The following TMEM229B variants were observed in gnomAD, a reference collection of about 807,000 sequenced individuals.
TMEM229B encodes transmembrane protein 229B, also known as chromosome 14 open reading frame 83.
Under a neutral mutation model 13.7 loss-of-function variants are expected in TMEM229B, and 6 were observed. That is an observed-to-expected ratio of 0.44 (90% CI 0.24 to 0.86). The LOEUF is 0.86. TMEM229B is among the 40% of genes least tolerant of loss of function. TMEM229B has a pLI of 0.23. For missense variants in TMEM229B, 170 were observed against 236.0 expected (o/e 0.72, Z 1.83); for synonymous variants, 107 against 102.1 (o/e 1.05, Z -0.29).
rs973715601 is a variant in TMEM229B, at chr14:67,507,284, G to A, written c.-192+7802C>T. ...GGATTGCTTGAACCCAGGAGTTCAA[G>A]GCTACAGTGAGCTATGATTATGCCA... On this transcript the variant is annotated intron_variant, in intron 1 of 2. Transcript: ENST00000357461. 8.5e-5 allele frequency among the ~76,000 whole-genome samples: 13 copies of A among 152,232 alleles called. 1 individual carries two copies. Among genetic ancestry groups the A allele is most frequent in the Admixed American group, 8.5e-4 (13 of 15,292 alleles).
upstream of TMEM229B, among the ~76,000 whole-genome samples, chr14:67,489,336 A>G (rs555348667): frequency 4.6e-5 from 7 of 152,202 alleles, no homozygotes; most frequent in African/African-American, 1.4e-4. Context: ...TTCCCACCCA[A>G]ATCTCATCCT....
At chr14:67,520,559 A>G (rs1286310456) in intron 1 of TMEM229B, among the ~76,000 whole-genome samples, 2 of 152,254 alleles carry the variant, frequency 1.3e-5, no homozygotes, top group Non-Finnish European at 2.9e-5. Context: ...GTCTGGATAT[A>G]CCACAGATTA....
upstream of TMEM229B, among the ~76,000 whole-genome samples, chr14:67,490,247 G>A (rs116822558): frequency 1.4e-3 from 210 of 152,308 alleles, no homozygotes; most frequent in African/African-American, 4.9e-3. Flanking sequence ...TGTCTCTGCA[G>A]GTGAAGGAAG....
chr14:67,504,874 G>A (rs946596420), intron 1 of TMEM229B, among the ~76,000 whole-genome samples: 2 of 152,122 alleles, frequency 1.3e-5, no homozygotes, highest in South Asian at 2.1e-4. Flanking sequence ...CAACAAGAGC[G>A]ACACTCCGTC....
At chr14:67,509,528 A>G (rs1198732346) in intron 1 of TMEM229B, among the ~76,000 whole-genome samples, 1 of 152,152 alleles carries the variant, frequency 6.6e-6, no homozygotes, top group Non-Finnish European at 1.5e-5. Flanking sequence ...CATGTTGCTC[A>G]GGCTGGTCTT....
chr14:67,517,268 G>A (rs761673406), upstream of TMEM229B, among the ~76,000 whole-genome samples: 116 of 152,316 alleles, frequency 7.6e-4, no homozygotes, highest in Non-Finnish European at 5.1e-4. Flanking sequence ...GTGGCCGGCG[G>A]CTGGCAGCTG....
chr14:67,500,017 A>T (rs562300272), intron 1 of TMEM229B, among the ~76,000 whole-genome samples: 1 of 152,264 alleles, frequency 6.6e-6, no homozygotes, highest in African/African-American at 2.4e-5. Context: ...ACTCCCAGTC[A>T]TAGCTCCTCT....
In TMEM229B at chr14:67,473,835, G is replaced by A; in HGVS notation, c.89C>T (p.Ala30Val). Residue 30 changes from alanine to valine, a missense_variant, in exon 3 of 3, where the codon GCC (alanine) becomes GTC (valine). This residue lies in a region of TMEM229B where 36 missense variants were observed against 83.8 expected (regional missense o/e 0.43). Transcript: ENST00000554480. This position sits in a 1 kb window ranked among gnomAD's most constrained non-coding sequence, Gnocchi z 6.5. ...GYFCEVMFTA[A>V]WEFVVNLNWK... The stretch of plus-strand genomic sequence containing the variant: ...GTTCAAGTTCACCACGAACTCCCAG[G>A]CCGCTGTGAACATCACCTCGCAGAA... 1 of 1,613,540 alleles carries A rather than the reference G, an allele frequency of 6.2e-7. No homozygotes were observed. The highest frequency in any genetic ancestry group is 8.5e-7 in the Non-Finnish European group (1 of 1,179,820).
chr14:67,530,346 C>T (rs1045743009), intron 1 of TMEM229B, among the ~76,000 whole-genome samples: 5 of 151,994 alleles, frequency 3.3e-5, no homozygotes, highest in African/African-American at 1.2e-4. Flanking sequence ...CCCCAAGGTC[C>T]CACCACCACT....
intron 1 of TMEM229B, among the ~76,000 whole-genome samples, chr14:67,495,040 T>C (rs2140162869): frequency 6.6e-6 from 1 of 152,346 alleles, no homozygotes. Flanking sequence ...TGTACTGTTC[T>C]GGCAACTTTT....
chr14:67,514,731 T>A (rs903052054), intron 1 of TMEM229B, among the ~76,000 whole-genome samples: 2 of 151,478 alleles, frequency 1.3e-5, no homozygotes, highest in Non-Finnish European at 2.9e-5. Flanking sequence ...GAAGAGGAGG[T>A]GTCAACCTAC....
At chr14:67,501,430 T>A (rs2140195637) in intron 1 of TMEM229B, among the ~76,000 whole-genome samples, 1 of 152,246 alleles carries the variant, frequency 6.6e-6, no homozygotes. Flanking sequence ...AGTGGCATGA[T>A]CATAGGTCAC....
At chr14:67,505,929 G>A (rs371151828) in intron 1 of TMEM229B, among the ~76,000 whole-genome samples, 1 of 152,090 alleles carries the variant, frequency 6.6e-6, no homozygotes, top group Admixed American at 6.5e-5. Context: ...TCGAACTCCT[G>A]ACCTTGGGTA....
At position 67,481,955 on chromosome 14, in the gene TMEM229B, A is replaced by T. The variant is rs572549908; in HGVS notation, c.-19+5045T>A. 9.7e-4 allele frequency among the ~76,000 whole-genome samples: 148 copies of T among 152,338 alleles called. 1 individual carries two copies. The highest frequency in any genetic ancestry group is 3.3e-3 in the African/African-American group (136 of 41,584). On this transcript the variant is annotated intron_variant, in intron 2 of 2. Transcript: ENST00000554480. ...AGAAATTCAGGGTGGATTGAAGAGG[A>T]GGAGAGTGTGAGCAAGGTTGAATGC...
intron 1 of TMEM229B, among the ~76,000 whole-genome samples, chr14:67,494,148 A>G (rs2032274677): frequency 6.6e-6 from 1 of 152,172 alleles, no homozygotes; most frequent in African/African-American, 2.4e-5. Context: ...GAAAGCACCC[A>G]GTCTTGCTAA....
chr14:67,523,385 A>G (rs546323708), intron 1 of TMEM229B, among the ~76,000 whole-genome samples: 105 of 152,132 alleles, frequency 6.9e-4, no homozygotes, highest in Non-Finnish European at 1.0e-3. Flanking sequence ...AGTGCTAGGG[A>G]AAAAAAGTCA....
At chr14:67,506,629 T>G (rs551763964) in intron 1 of TMEM229B, among the ~76,000 whole-genome samples, 1 of 152,308 alleles carries the variant, frequency 6.6e-6, no homozygotes, top group South Asian at 2.1e-4. Context: ...CATTTGCTCC[T>G]CAACCTTGAA....
chr14:67,512,795 C>T (rs2140246738), intron 1 of TMEM229B, among the ~76,000 whole-genome samples: 1 of 152,222 alleles, frequency 6.6e-6, no homozygotes, highest in South Asian at 2.1e-4. Context: ...AAAAGCCCAC[C>T]AGGAAGGAGC....
intron 1 of TMEM229B, among the ~76,000 whole-genome samples, chr14:67,511,505 C>A (rs1270155235): frequency 6.6e-6 from 1 of 152,052 alleles, no homozygotes; most frequent in Non-Finnish European, 1.5e-5. Flanking sequence ...AGCCGAGAAT[C>A]CCGAAAAAAA....
Sources: gnomAD v4.1 joint callset for allele counts (sites outside exome capture counted in the v4.1 genomes callset) on GRCh38, gnomAD v4.1.1 for gene constraint, gnomAD v4.1.1 regional missense constraint, Gnocchi (gnomAD v3.1) non-coding constraint, MANE v1.5 for transcripts, NCBI Gene and HGNC (gene_info 2026-07-23, HGNC 2026-07-21) for gene names.